The following PRKCE variants were observed in gnomAD, a reference collection of about 807,000 sequenced individuals.
PRKCE encodes protein kinase C epsilon.
A neutral mutation model predicts 85.4 loss-of-function variants in PRKCE; 16 were observed. The ratio of observed to expected loss-of-function variants is 0.19; its 90% CI spans 0.13 to 0.28. The LOEUF is 0.28. Ranked by LOEUF, PRKCE falls within the 10% of genes least tolerant of loss-of-function variation. The pLI is 1.00. For synonymous variants in PRKCE, 388 were observed against 371.5 expected (o/e 1.04, Z -0.51); for missense variants, 573 against 975.2 (o/e 0.59, Z 5.49).
intron 1 of PRKCE, among the ~76,000 whole-genome samples, chr2:45,789,948 A>G (rs956572738): frequency 2.0e-5 from 3 of 152,308 alleles, no homozygotes; most frequent in South Asian, 2.1e-4. Flanking sequence ...TTGATAGGAT[A>G]ATGAAGGAAA....
chr2:45,685,252 C>G (rs1024758581), intron 1 of PRKCE, among the ~76,000 whole-genome samples: 3 of 152,184 alleles, frequency 2.0e-5, no homozygotes, highest in Admixed American at 2.0e-4. Flanking sequence ...TTGTTGAAAA[C>G]TTTCTCTGTA....
At chr2:45,920,277 G>A (rs955107126) in intron 2 of PRKCE, among the ~76,000 whole-genome samples, 1 of 152,222 alleles carries the variant, frequency 6.6e-6, no homozygotes, top group Non-Finnish European at 1.5e-5. Flanking sequence ...TGAGGCCTCA[G>A]CTTGGGGCTT....
intron 2 of PRKCE, among the ~76,000 whole-genome samples, chr2:45,926,946 T>C (rs1042586672): frequency 2.6e-5 from 4 of 151,636 alleles, no homozygotes; most frequent in Non-Finnish European, 1.5e-5. Context: ...GTGAGAAGTA[T>C]AGAACCTGTA....
chr2:46,118,324 A>C (rs1672976219), intron 11 of PRKCE, among the ~76,000 whole-genome samples: 1 of 152,214 alleles, frequency 6.6e-6, no homozygotes, highest in African/African-American at 2.4e-5. Context: ...GTGGAGAAAG[A>C]AACTACCCAA....
intron 10 of PRKCE, among the ~76,000 whole-genome samples, chr2:46,079,273 C>T (rs1668841135): frequency 4.0e-5 from 6 of 151,734 alleles, no homozygotes; most frequent in Admixed American, 3.9e-4. Flanking sequence ...GATGATTATT[C>T]TCTAGGGGGT....
intron 1 of PRKCE, among the ~76,000 whole-genome samples, chr2:45,821,581 G>C (rs79344728): frequency 0.025 from 3,828 of 152,246 alleles, 88 homozygotes; most frequent in East Asian, 0.11. Flanking sequence ...TGTGCCCTAG[G>C]AAAGAAGGTA....
intron 11 of PRKCE, among the ~76,000 whole-genome samples, chr2:46,119,340 C>T (rs1673091095): frequency 6.6e-6 from 1 of 151,256 alleles, no homozygotes; most frequent in South Asian, 2.1e-4. Flanking sequence ...TTGGAAACAA[C>T]TTGGGCTATT....
intron 2 of PRKCE, among the ~76,000 whole-genome samples, chr2:45,861,039 G>T (rs1693114991): frequency 6.6e-6 from 1 of 152,172 alleles, no homozygotes; most frequent in African/African-American, 2.4e-5. Context: ...ATAGGGTGGG[G>T]GCAGAGGAAG....
At chr2:45,935,216 T>C (rs533162908) in intron 2 of PRKCE, among the ~76,000 whole-genome samples, 1 of 152,344 alleles carries the variant, frequency 6.6e-6, no homozygotes, top group East Asian at 1.9e-4. Flanking sequence ...TTTTTCAATA[T>C]TTTCAGTTTG....
intron 1 of PRKCE, among the ~76,000 whole-genome samples, chr2:45,828,056 G>A (rs1351759342): frequency 6.6e-6 from 1 of 152,132 alleles, no homozygotes; most frequent in African/African-American, 2.4e-5. Context: ...GGCACTGTAT[G>A]GTCATATCAT....
chr2:45,889,735 C>G (rs1695574053), intron 2 of PRKCE, among the ~76,000 whole-genome samples: 2 of 152,190 alleles, frequency 1.3e-5, no homozygotes, highest in Non-Finnish European at 2.9e-5. Context: ...TATGAGCGTG[C>G]TTGTGGCTCC....
At chr2:45,926,257 G>C (rs552172760) in intron 2 of PRKCE, among the ~76,000 whole-genome samples, 8 of 152,296 alleles carry the variant, frequency 5.3e-5, no homozygotes, top group African/African-American at 1.9e-4. Flanking sequence ...CCTTTCTCCA[G>C]GGCCATGGCA....
At chr2:45,694,638 G>A (rs1010101613) in intron 1 of PRKCE, among the ~76,000 whole-genome samples, 10 of 152,254 alleles carry the variant, frequency 6.6e-5, no homozygotes, top group Non-Finnish European at 1.3e-4. Context: ...GTTGGTTAGA[G>A]TGGCTGAGAA....
At position 46,184,951 on chromosome 2, in the gene PRKCE, A is replaced by G. The variant is rs894981082; in HGVS notation, c.*70A>G. The G allele has an allele frequency of 2.0e-5, 31 of 1,568,510 alleles. No individual in the cohort carries two copies. Among genetic ancestry groups the G allele is most frequent in the Non-Finnish European group, 2.7e-5 (31 of 1,158,484 alleles). Reference sequence around the variant, plus strand: ...CAGAGAAGACTCCTGTGTTGGAGACACTCAGCAGGTCTTGAACTACTTCTC... The same window carrying G: ...CAGAGAAGACTCCTGTGTTGGAGACGCTCAGCAGGTCTTGAACTACTTCTC... On this transcript the variant is annotated 3_prime_UTR_variant, in exon 15 of 15. Coordinates refer to ENST00000306156, the MANE Select transcript of PRKCE (RefSeq NM_005400.3). This position sits in a 1 kb window ranked among gnomAD's most constrained non-coding sequence, Gnocchi z 5.0.
chr2:45,745,065 T>A (rs1311664992), intron 1 of PRKCE, among the ~76,000 whole-genome samples: 3 of 152,132 alleles, frequency 2.0e-5, no homozygotes, highest in Admixed American at 1.3e-4. Flanking sequence ...GACAATTGCT[T>A]GGGGTGCTAT....
intron 11 of PRKCE, among the ~76,000 whole-genome samples, chr2:46,110,262 T>C (rs1283364585): frequency 6.6e-6 from 1 of 152,186 alleles, no homozygotes; most frequent in Non-Finnish European, 1.5e-5. Flanking sequence ...TGTGGATAAT[T>C]GGTGTCATTT....
chr2:46,087,866 T>C (rs753185128), intron 11 of PRKCE, among the ~76,000 whole-genome samples: 57 of 152,216 alleles, frequency 3.7e-4, no homozygotes, highest in Non-Finnish European at 6.9e-4. Context: ...TTAGTACTTA[T>C]GTGGCTTGCT....
In PRKCE at chr2:45,841,684, A is replaced by G. The variant is rs146134499; in HGVS notation, c.349-1316A>G. Among the ~76,000 whole-genome samples the G allele has an allele frequency of 3.7e-3, 560 of 152,348 alleles. 2 individuals carry two copies. Among genetic ancestry groups the G allele is most frequent in the African/African-American group, 0.013 (532 of 41,580 alleles). ...TTCAGTCCAATCAAGTTGACACTCA[A>G]TATTAACCATCGCAGGAGCCATGAG... On this transcript the variant is annotated intron_variant, in intron 1 of 14. Transcript: ENST00000306156.
intron 2 of PRKCE, among the ~76,000 whole-genome samples, chr2:45,852,938 C>T (rs1692389812): frequency 6.6e-6 from 1 of 152,170 alleles, no homozygotes; most frequent in South Asian, 2.1e-4. Context: ...AACCAGCTCC[C>T]AGGAGATGTC....
Sources: allele counts gnomAD v4.1 joint callset (sites outside exome capture counted in the v4.1 genomes callset), GRCh38; gene constraint gnomAD v4.1.1; non-coding constraint Gnocchi (gnomAD v3.1); transcripts MANE v1.5; gene names NCBI Gene and HGNC (gene_info 2026-07-23, HGNC 2026-07-21).